The following AGAP1 variants were observed in gnomAD, a reference collection of about 807,000 sequenced individuals.
AGAP1 encodes the protein arf-GAP with GTPase, ANK repeat and PH domain-containing protein 1.
Under a neutral mutation model 105.3 loss-of-function variants are expected in AGAP1, and 29 were observed. That is an observed-to-expected ratio of 0.28 (90% CI 0.21 to 0.38). AGAP1 has a LOEUF of 0.38. Among genes scored for constraint, AGAP1 ranks in the 10% least tolerant of loss-of-function variants. The probability of loss-of-function intolerance (pLI) is 1.00; values close to 1 mark genes in which losing one functional copy is unlikely to be tolerated. For missense variants in AGAP1, 998 were observed against 1,165.1 expected (o/e 0.86, Z 2.09); for synonymous variants, 509 against 485.9 (o/e 1.05, Z -0.63).
chr2:235,986,965 A>G (rs2055339215), intron 13 of AGAP1, among the ~76,000 whole-genome samples: 1 of 152,056 alleles, frequency 6.6e-6, no homozygotes, highest in Non-Finnish European at 1.5e-5. Flanking sequence ...TGGTTTTGGT[A>G]TCAGGATGAT....
At chr2:235,703,897 G>A (rs951749666) in intron 1 of AGAP1, among the ~76,000 whole-genome samples, 1 of 152,120 alleles carries the variant, frequency 6.6e-6, no homozygotes, top group African/African-American at 2.4e-5. Context: ...GGCTAGTCTT[G>A]AACTCCTGAT....
rs542614491 is a variant in AGAP1 at position 235,614,096 on chromosome 2, C to G, written c.164-95083C>G. ...CGTGGTATCTGTTCATATATTGATTCACCAAATATTGATTGTACATCTGCG... is the reference window on the plus strand; with the variant it reads ...CGTGGTATCTGTTCATATATTGATTGACCAAATATTGATTGTACATCTGCG... On this transcript the variant is annotated intron_variant, in intron 1 of 17. Coordinates refer to ENST00000304032, the MANE Select transcript of AGAP1 (RefSeq NM_001037131.3). The surrounding 1 kb of genome is among the most constrained non-coding windows in gnomAD (Gnocchi z 4.7). Among the ~76,000 whole-genome samples the G allele has an allele frequency of 5.3e-5, 8 of 151,868 alleles. No individual in the cohort carries two copies. Among genetic ancestry groups the G allele is most frequent in the African/African-American group, 1.9e-4 (8 of 41,418 alleles).
In AGAP1 at chr2:235,936,625, C is replaced by T. The variant is rs1238784577; in HGVS notation, c.1483+5702C>T. 2.0e-5 allele frequency among the ~76,000 whole-genome samples: 3 copies of T among 151,942 alleles called. No individual in the cohort carries two copies. Among genetic ancestry groups the T allele is most frequent in the Admixed American group, 2.0e-4 (3 of 15,264 alleles). ...TCATTATAGTTGGAGCATTTTTTTTCTCTTCTTGGATATTATACTGACAAT... is the reference window on the plus strand; with the variant it reads ...TCATTATAGTTGGAGCATTTTTTTTTTCTTCTTGGATATTATACTGACAAT... On this transcript the variant is annotated intron_variant, in intron 12 of 17. Coordinates refer to ENST00000304032, the MANE Select transcript of AGAP1 (RefSeq NM_001037131.3). The surrounding 1 kb of genome is among the most constrained non-coding windows in gnomAD (Gnocchi z 4.7).
At chr2:235,590,682 TGTGCGTGTGC>T (rs1945300285) in intron 1 of AGAP1, among the ~76,000 whole-genome samples, 1 of 104,190 alleles carries the variant, frequency 9.6e-6, no homozygotes, top group Non-Finnish European at 2.0e-5. Context: ...TGTGTGTGTG[TGTGCGTGTGC>T]GTGTGTGTGT....
Position 235,620,653 on chromosome 2 carries a change from C to G in AGAP1, c.164-88526C>G, listed in dbSNP as rs1439183996. ...CCTCCTCACCTGCTTCCTATTTCCC[C>G]ATAAACCCCAGCTCCCTGACATGTC... On this transcript the variant is annotated intron_variant, in intron 1 of 17. Coordinates refer to ENST00000304032, the MANE Select transcript of AGAP1 (RefSeq NM_001037131.3). This position sits in a 1 kb window ranked among gnomAD's most constrained non-coding sequence, Gnocchi z 4.5. Among the ~76,000 whole-genome samples the G allele has an allele frequency of 2.0e-5, 3 of 152,162 alleles. No individual in the cohort carries two copies.
At chr2:235,748,891 T>C (rs1953188571) in intron 5 of AGAP1, among the ~76,000 whole-genome samples, 1 of 152,076 alleles carries the variant, frequency 6.6e-6, no homozygotes, top group Non-Finnish European at 1.5e-5. Context: ...CTTCAAGCCC[T>C]ATGAAAAAGA....
chr2:235,572,874 G>A (rs141120849), intron 1 of AGAP1, among the ~76,000 whole-genome samples: 1 of 152,322 alleles, frequency 6.6e-6, no homozygotes, highest in East Asian at 1.9e-4. Context: ...AGCTCCTGGT[G>A]TTGGGGGCAG....
chr2:235,812,839 C>T (rs1958230672), intron 9 of AGAP1, among the ~76,000 whole-genome samples: 1 of 152,240 alleles, frequency 6.6e-6, no homozygotes, highest in South Asian at 2.1e-4. Flanking sequence ...GCCGAGCGTA[C>T]GATGTCCACC....
At chr2:235,519,457 A>G (rs1448497055) in intron 1 of AGAP1, among the ~76,000 whole-genome samples, 3 of 152,172 alleles carry the variant, frequency 2.0e-5, no homozygotes, top group South Asian at 4.2e-4. Context: ...ATTTGAGACT[A>G]AGAGTATTGA....
intron 6 of AGAP1, among the ~76,000 whole-genome samples, chr2:235,797,541 C>G (rs1351114771): frequency 1.3e-5 from 2 of 150,494 alleles, no homozygotes; most frequent in Non-Finnish European, 2.9e-5. Flanking sequence ...GCTTGTGTAC[C>G]TGGCCATGTT....
intron 11 of AGAP1, among the ~76,000 whole-genome samples, chr2:235,929,919 C>T (rs986976941): frequency 6.6e-6 from 1 of 152,112 alleles, no homozygotes; most frequent in Non-Finnish European, 1.5e-5. Flanking sequence ...TGGTTCTGAA[C>T]TAAAACAATT....
At chr2:235,837,763 A>G (rs1311313479) in intron 9 of AGAP1, among the ~76,000 whole-genome samples, 1 of 152,200 alleles carries the variant, frequency 6.6e-6, no homozygotes, top group Non-Finnish European at 1.5e-5. Flanking sequence ...GTAACTCCAT[A>G]TGGGAGGAGA....
intron 1 of AGAP1, chr2:235,669,987 G>A: frequency 3.7e-6 from 1 of 267,442 alleles, no homozygotes; most frequent in Non-Finnish European, 6.9e-6. Flanking sequence ...GGCCCTCGCG[G>A]TCAGCGGGGG....
Position 235,609,886 on chromosome 2 carries a change from C to T in AGAP1, c.164-99293C>T, listed in dbSNP as rs1275247948. On this transcript the variant is annotated intron_variant, in intron 1 of 17. Coordinates refer to ENST00000304032, the MANE Select transcript of AGAP1 (RefSeq NM_001037131.3). The surrounding 1 kb of genome is among the most constrained non-coding windows in gnomAD (Gnocchi z 5.1). ...AGAGGTTGGTAAATGGAGTCTTGCT[C>T]GCCAGGTGCATGAGGTGAAGTCACT... 1.3e-5 allele frequency among the ~76,000 whole-genome samples: 2 copies of T among 152,064 alleles called. No homozygotes were observed. The highest frequency in any genetic ancestry group is 1.9e-4 in the East Asian group (1 of 5,182).
rs1391121243 is a variant in AGAP1 at position 236,101,914 on chromosome 2, C to T, written c.2115-18278C>T. 2.0e-5 allele frequency among the ~76,000 whole-genome samples: 3 copies of T among 152,252 alleles called. No individual in the cohort carries two copies. The highest frequency in any genetic ancestry group is 4.4e-5 in the Non-Finnish European group (3 of 68,050). On this transcript the variant is annotated intron_variant, in intron 16 of 17. Transcript: ENST00000304032. The surrounding 1 kb of genome is among the most constrained non-coding windows in gnomAD (Gnocchi z 4.9). ...AAACTTCCATTCTGTGTGTGACTAG[C>T]ATGGCTTAGCTATGTTTCTGTGCAA...
rs1296738384 is a variant in AGAP1, at chr2:235,799,984, A to G, written c.957+462A>G. ...ACTGGGAGGTGCTTCCTGGAGGCTC[A>G]TTGCCATGAGGCTCTCCACTTGGGT... On this transcript the variant is annotated intron_variant, in intron 8 of 17. Coordinates refer to ENST00000304032, the MANE Select transcript of AGAP1 (RefSeq NM_001037131.3). This position sits in a 1 kb window ranked among gnomAD's most constrained non-coding sequence, Gnocchi z 5.0. 6.6e-6 allele frequency among the ~76,000 whole-genome samples: 1 copy of G among 151,926 alleles called. No individual in the cohort carries two copies. The highest frequency in any genetic ancestry group is 2.4e-5 in the African/African-American group (1 of 41,356).
rs528284421 is a variant in AGAP1 at position 235,497,541 on chromosome 2, T to G, written c.163+2692T>G. Among the ~76,000 whole-genome samples the G allele has an allele frequency of 5.9e-5, 9 of 152,386 alleles. No individual in the cohort carries two copies. The South Asian group carries it at 1.9e-3, about 32-fold the overall frequency. On this transcript the variant is annotated intron_variant, in intron 1 of 17. Coordinates refer to ENST00000304032, the MANE Select transcript of AGAP1 (RefSeq NM_001037131.3). ...GGATTTTTTCCCCTTCCTCTGTATG[T>G]GCATACACAGAATTGGGGTCTGACT... is the stretch of plus-strand genomic sequence containing the variant.
chr2:235,994,523 A>G lies in AGAP1; in HGVS notation c.1645+25900A>G, dbSNP rs1206246171. Among the ~76,000 whole-genome samples the G allele has an allele frequency of 6.6e-6, 1 of 152,110 alleles. No homozygotes were observed. The highest frequency in any genetic ancestry group is 1.5e-5 in the Non-Finnish European group (1 of 68,022). On this transcript the variant is annotated intron_variant, in intron 13 of 17. Transcript: ENST00000304032. The surrounding 1 kb of genome is among the most constrained non-coding windows in gnomAD (Gnocchi z 4.4). ...TTTGAAAGTTGAGAAGTAGGTCATC[A>G]CTGTCATCGTCATAGTGGGGACACA... is the stretch of plus-strand genomic sequence containing the variant.
rs957027318 is a variant in AGAP1 at position 236,050,838 on chromosome 2, G to A, written c.2114+1557G>A. Reference sequence around the variant, plus strand: ...ATTTAGAAACCATTTGGAATTATTCGAAGCAAAGATACGGGTTCATGTTTT... The same window carrying A: ...ATTTAGAAACCATTTGGAATTATTCAAAGCAAAGATACGGGTTCATGTTTT... On this transcript the variant is annotated intron_variant, in intron 16 of 17. Transcript: ENST00000304032. The surrounding 1 kb of genome is among the most constrained non-coding windows in gnomAD (Gnocchi z 4.0). Among the ~76,000 whole-genome samples the A allele has an allele frequency of 1.3e-5, 2 of 152,074 alleles. No individual in the cohort carries two copies. Among genetic ancestry groups the A allele is most frequent in the Non-Finnish European group, 2.9e-5 (2 of 68,020 alleles).
Sources: gnomAD v4.1 joint callset for allele counts (sites outside exome capture counted in the v4.1 genomes callset) on GRCh38, gnomAD v4.1.1 for gene constraint, Gnocchi (gnomAD v3.1) non-coding constraint, MANE v1.5 for transcripts, NCBI Gene and HGNC (gene_info 2026-07-23, HGNC 2026-07-21) for gene names.